The following PFKFB1 variants were observed in gnomAD, a reference collection of about 807,000 sequenced individuals.
PFKFB1 encodes 6-phosphofructo-2-kinase/fructose-2,6-biphosphatase 1.
In PFKFB1, 34 loss-of-function variants were observed where a neutral mutation model predicts 46.4. The ratio of observed to expected loss-of-function variants is 0.73; its 90% CI spans 0.56 to 0.98. PFKFB1 has a LOEUF of 0.98. Among genes scored for constraint, PFKFB1 ranks in the 50% least tolerant of loss-of-function variants. The pLI, the probability that PFKFB1 is intolerant of heterozygous loss-of-function variation, is 0.00. For synonymous variants in PFKFB1, 119 were observed against 133.8 expected (o/e 0.89, Z 0.76); for missense variants, 393 against 376.3 (o/e 1.04, Z -0.37).
chrX:54,937,680 C>T lies in PFKFB1; in HGVS notation c.1143G>A (p.Glu381=). ...LVQRLEPVIM[E]LERQENVLVI... is the part of the protein sequence containing the mutation. ...CCAGTACATTCTCCTGTCGTTCTAG[C>T]TCCATTATCACTGGCTCCAGACGCT... Residue 381 remains glutamate, a synonymous_variant, in exon 11 of 14, where the codon GAG becomes GAA. Transcript: ENST00000375006. 8.3e-7 allele frequency: 1 copy of T among 1,206,414 alleles called. No individual in the cohort carries two copies. Among genetic ancestry groups the T allele is most frequent in the Non-Finnish European group, 1.1e-6 (1 of 890,616 alleles).
chrX:54,970,161 A>C (rs1168142764), intron 1 of PFKFB1, among the ~76,000 whole-genome samples: 1 of 111,041 alleles, frequency 9.0e-6, no homozygotes, highest in Non-Finnish European at 1.9e-5. Flanking sequence ...TGCCCACCTC[A>C]GTCTCCCAAA....
chrX:54,986,304 A>C (rs1196262338), intron 1 of PFKFB1, among the ~76,000 whole-genome samples: 2 of 112,363 alleles, frequency 1.8e-5, no homozygotes, highest in African/African-American at 6.5e-5. Flanking sequence ...AAAAGAAAGA[A>C]GAAAAAAGAG....
intron 1 of PFKFB1, among the ~76,000 whole-genome samples, chrX:54,981,097 G>A (rs1169501043): frequency 9.0e-6 from 1 of 110,803 alleles, no homozygotes; most frequent in African/African-American, 3.3e-5. Flanking sequence ...AGTACTGTAG[G>A]AATAACAAGA....
chrX:54,970,179 G>T (rs956664463), intron 1 of PFKFB1, among the ~76,000 whole-genome samples: 3 of 111,182 alleles, frequency 2.7e-5, no homozygotes, highest in Non-Finnish European at 5.7e-5. Context: ...AAAGTGCTGG[G>T]ATTATAGGCA....
chrX:54,944,942 G>A (rs1042052819), intron 10 of PFKFB1, among the ~76,000 whole-genome samples: 71 of 112,199 alleles, frequency 6.3e-4, no homozygotes, highest in African/African-American at 2.1e-3. Context: ...CTGGTTAAGT[G>A]GAGGCTTGAT....
At chrX:54,950,237 C>T (rs930317464) in intron 8 of PFKFB1, among the ~76,000 whole-genome samples, 4 of 112,338 alleles carry the variant, frequency 3.6e-5, no homozygotes, top group African/African-American at 1.3e-4. Flanking sequence ...CAGGAGTCAG[C>T]GTGCTCTGGT....
chrX:54,967,414 G>A (rs1362064676), intron 1 of PFKFB1, among the ~76,000 whole-genome samples: 2 of 109,866 alleles, frequency 1.8e-5, no homozygotes, highest in Non-Finnish European at 3.8e-5. Flanking sequence ...GCATGGGCAA[G>A]GACTTCATGT....
At chrX:54,947,612 CAT>C (rs1409335744) in intron 9 of PFKFB1, among the ~76,000 whole-genome samples, 3 of 112,267 alleles carry the variant, frequency 2.7e-5, no homozygotes, top group African/African-American at 6.5e-5. Context: ...TGTACACACA[CAT>C]ATATGTCTGT....
intron 1 of PFKFB1, among the ~76,000 whole-genome samples, chrX:54,979,889 T>C (rs1313424724): frequency 8.9e-6 from 1 of 111,905 alleles, no homozygotes; most frequent in Non-Finnish European, 1.9e-5. Flanking sequence ...GGCTCTCTCA[T>C]TGACTTGCTC....
chrX:54,953,776 T>C (rs902890541), intron 7 of PFKFB1, among the ~76,000 whole-genome samples: 1 of 112,139 alleles, frequency 8.9e-6, no homozygotes, highest in East Asian at 2.8e-4. Flanking sequence ...CCTCACTTTA[T>C]GGTCCCATGC....
At chrX:54,997,424 A>T (rs1935373983), upstream of PFKFB1, among the ~76,000 whole-genome samples, 1 of 111,808 alleles carries the variant, frequency 8.9e-6, no homozygotes, top group Non-Finnish European at 1.9e-5. Context: ...GGCTATCTCT[A>T]GGGAAGAAAA....
At chrX:54,939,418 C>T (rs1204081424) in intron 10 of PFKFB1, among the ~76,000 whole-genome samples, 1 of 111,512 alleles carries the variant, frequency 9.0e-6, no homozygotes, top group Non-Finnish European at 1.9e-5. Context: ...GAGATAGAGA[C>T]ACAAAAAACC....
intron 1 of PFKFB1, among the ~76,000 whole-genome samples, chrX:54,980,710 A>AAC (rs751759536): frequency 0.062 from 5,127 of 83,267 alleles, 172 homozygotes; most frequent in Middle Eastern, 0.1. Flanking sequence ...AAAAAAAGCC[A>AAC]ACACACACAC....
At chrX:54,940,216 A>G (rs1933568621) in intron 10 of PFKFB1, among the ~76,000 whole-genome samples, 1 of 111,932 alleles carries the variant, frequency 8.9e-6, no homozygotes, top group African/African-American at 3.3e-5. Flanking sequence ...AACTCTCAAT[A>G]AATTAGGTAT....
intron 1 of PFKFB1, among the ~76,000 whole-genome samples, chrX:54,969,633 G>A: frequency 8.9e-6 from 1 of 112,090 alleles, no homozygotes; most frequent in South Asian, 3.7e-4. Context: ...ATAGAAGGGA[G>A]CTTCCTTAAC....
At chrX:54,974,594 T>G (rs1934785269) in intron 1 of PFKFB1, among the ~76,000 whole-genome samples, 1 of 111,641 alleles carries the variant, frequency 9.0e-6, no homozygotes, top group Non-Finnish European at 1.9e-5. Context: ...AAAATAAAAA[T>G]AAATAAATGG....
chrX:54,952,017 A>T lies in PFKFB1; in HGVS notation c.734T>A (p.Met245Lys). ...HIQSRTVYYL[M>K]NIHVTPRSIY... ...GGAGCGAGGTGTGACATGGATATTC[A>T]TGAGGTAGTAGACTGTGCGGCTCTG... The change falls in exon 8 of 14, where the codon ATG (methionine) becomes AAG (lysine). Residue 245 changes from methionine (M) to lysine (K), a missense_variant. Transcript: ENST00000375006. 8.3e-7 allele frequency: 1 copy of T among 1,210,556 alleles called. No individual in the cohort carries two copies.
intron 10 of PFKFB1, among the ~76,000 whole-genome samples, chrX:54,939,769 A>G (rs1166538637): frequency 2.7e-5 from 3 of 111,934 alleles, no homozygotes; most frequent in Non-Finnish European, 5.6e-5. Flanking sequence ...CCAACCAAAA[A>G]TAGTCCAGGA....
chrX:54,998,276 C>A, upstream of PFKFB1: 1 of 515,903 alleles, frequency 1.9e-6, no homozygotes, highest in Non-Finnish European at 3.3e-6. Context: ...ATAATCTTTT[C>A]CCCCACTTTC....
Sources: allele counts gnomAD v4.1 joint callset (sites outside exome capture counted in the v4.1 genomes callset), GRCh38; gene constraint gnomAD v4.1.1; transcripts MANE v1.5; gene names NCBI Gene and HGNC (gene_info 2026-07-23, HGNC 2026-07-21).